The following CHN2 variants were observed in gnomAD, a reference collection of about 807,000 sequenced individuals.
CHN2 encodes chimerin 2.
CHN2 carries 35 observed loss-of-function variants against 56.3 expected under a neutral mutation model. The ratio of observed to expected loss-of-function variants is 0.62; its 90% CI spans 0.47 to 0.82. The LOEUF is 0.82. Ranked by LOEUF, CHN2 falls within the 40% of genes least tolerant of loss-of-function variation. The probability of loss-of-function intolerance (pLI) is 0.00; values close to 1 mark genes in which losing one functional copy is unlikely to be tolerated. For missense variants in CHN2, 491 were observed against 580.5 expected (o/e 0.85, Z 1.58); for synonymous variants, 210 against 212.8 (o/e 0.99, Z 0.12).
intron 3 of CHN2, among the ~76,000 whole-genome samples, chr7:29,373,776 G>C (rs956145902): frequency 1.8e-4 from 27 of 152,070 alleles, no homozygotes; most frequent in African/African-American, 6.5e-4. Flanking sequence ...AGGCACGTCT[G>C]GAAGATCTTA....
At chr7:29,499,534 C>T (rs1015059571) in intron 8 of CHN2, among the ~76,000 whole-genome samples, 1 of 152,124 alleles carries the variant, frequency 6.6e-6, no homozygotes, top group Admixed American at 6.5e-5. Context: ...AATCCAAACC[C>T]GAAAACCTAC....
intron 1 of CHN2, among the ~76,000 whole-genome samples, chr7:29,328,334 C>G (rs1361685865): frequency 1.3e-5 from 2 of 152,098 alleles, no homozygotes; most frequent in Non-Finnish European, 2.9e-5. Context: ...TACTCTAGTT[C>G]AAAGTCTTTT....
At chr7:29,297,872 T>A (rs1043646802) in intron 1 of CHN2, among the ~76,000 whole-genome samples, 20 of 152,264 alleles carry the variant, frequency 1.3e-4, no homozygotes, top group African/African-American at 4.6e-4. Flanking sequence ...AGGCGTTTTT[T>A]AAAGGAGTCC....
At chr7:29,432,548 A>G (rs771533174) in intron 6 of CHN2, among the ~76,000 whole-genome samples, 7 of 152,124 alleles carry the variant, frequency 4.6e-5, no homozygotes, top group Non-Finnish European at 8.8e-5. Flanking sequence ...TCTATACTAT[A>G]CTCGCCTACT....
At chr7:29,338,389 A>G (rs1796788301) in intron 1 of CHN2, among the ~76,000 whole-genome samples, 1 of 152,198 alleles carries the variant, frequency 6.6e-6, no homozygotes, top group Non-Finnish European at 1.5e-5. Flanking sequence ...GTCTAGTATG[A>G]GAGACAGAAT....
intron 6 of CHN2, among the ~76,000 whole-genome samples, chr7:29,475,344 G>A (rs1786502180): frequency 6.6e-6 from 1 of 152,180 alleles, no homozygotes; most frequent in African/African-American, 2.4e-5. Flanking sequence ...GGCTCAGGGA[G>A]AACTAAAGTC....
At chr7:29,472,329 T>G (rs1786172353) in intron 6 of CHN2, among the ~76,000 whole-genome samples, 1 of 86,246 alleles carries the variant, frequency 1.2e-5, no homozygotes. Context: ...CAGAAATAGG[T>G]AGTAGGCATA....
chr7:29,361,457 A>G (rs1411714921), intron 2 of CHN2, among the ~76,000 whole-genome samples: 1 of 152,190 alleles, frequency 6.6e-6, no homozygotes, highest in Non-Finnish European at 1.5e-5. Flanking sequence ...TGTTTGGAAC[A>G]GCATAGAACA....
chr7:29,361,088 T>C (rs17157815), intron 2 of CHN2, among the ~76,000 whole-genome samples: 4,989 of 152,322 alleles, frequency 0.033, 102 homozygotes, highest in Middle Eastern at 0.044. Context: ...TTTGGGACAT[T>C]GCTGCAGAAG....
At chr7:29,312,750 A>G (rs191898662) in intron 1 of CHN2, among the ~76,000 whole-genome samples, 1 of 152,288 alleles carries the variant, frequency 6.6e-6, no homozygotes, top group African/African-American at 2.4e-5. Context: ...GATGAAATTG[A>G]TGTATTAAGA....
intron 6 of CHN2, among the ~76,000 whole-genome samples, chr7:29,443,478 G>C (rs886483026): frequency 2.0e-5 from 3 of 152,160 alleles, no homozygotes; most frequent in Admixed American, 6.5e-5. Flanking sequence ...GCATTTCTCA[G>C]AACGTATCTC....
intron 6 of CHN2, among the ~76,000 whole-genome samples, chr7:29,419,660 C>T (rs892200349): frequency 2.0e-5 from 3 of 152,032 alleles, no homozygotes; most frequent in African/African-American, 7.3e-5. Context: ...AAGTAAATAA[C>T]CCAATTTAAA....
intron 1 of CHN2, among the ~76,000 whole-genome samples, chr7:29,295,314 A>AACACACACACACACACACACAC (rs58693628): frequency 7.6e-5 from 11 of 145,072 alleles, no homozygotes; most frequent in East Asian, 2.1e-4. Flanking sequence ...TTTAGCTGTG[A>AACACACACACACACACACACAC]ACACACACAC....
chr7:29,299,443 T>G (rs891105083), intron 1 of CHN2, among the ~76,000 whole-genome samples: 1 of 152,192 alleles, frequency 6.6e-6, no homozygotes, highest in Non-Finnish European at 1.5e-5. Context: ...AGTTTCATTT[T>G]GGGGAGTGTT....
At chr7:29,279,593 A>G (rs1791518395) in intron 1 of CHN2, among the ~76,000 whole-genome samples, 1 of 152,208 alleles carries the variant, frequency 6.6e-6, no homozygotes, top group African/African-American at 2.4e-5. Flanking sequence ...TGTGGGTATG[A>G]GAGGCTGGAG....
intron 6 of CHN2, among the ~76,000 whole-genome samples, chr7:29,468,136 ACCCGCCCCCCCCCCCC>A (rs1785701261): frequency 2.8e-5 from 1 of 36,102 alleles, no homozygotes; most frequent in Non-Finnish European, 5.7e-5. Flanking sequence ...AACCAAACGG[ACCCGCCCCCCCCCCCC>A]CCCGCCCGAC....
intron 3 of CHN2, among the ~76,000 whole-genome samples, chr7:29,383,267 G>A (rs1800664410): frequency 6.6e-6 from 1 of 152,046 alleles, no homozygotes. Context: ...TGTTGCAGGT[G>A]GTGTAGTTGG....
rs544135562 is a variant in CHN2, at chr7:29,484,171, G to T, written c.654+3815G>T. Among the ~76,000 whole-genome samples the T allele has an allele frequency of 4.6e-5, 7 of 152,128 alleles. 1 individual carries two copies. In the South Asian group the frequency reaches 1.5e-3, roughly 32 times the overall value. ...AGAGAAAATGAAATAAAGCCTGATGGTTATTTCCTTGAATGTATTCCATCC... is the reference window on the plus strand; with the variant it reads ...AGAGAAAATGAAATAAAGCCTGATGTTTATTTCCTTGAATGTATTCCATCC... On this transcript the variant is annotated intron_variant, in intron 7 of 12. Coordinates refer to ENST00000222792, the MANE Select transcript of CHN2 (RefSeq NM_004067.4).
At chr7:29,341,631 A>G (rs1208728053) in intron 1 of CHN2, among the ~76,000 whole-genome samples, 2 of 151,920 alleles carry the variant, frequency 1.3e-5, no homozygotes, top group East Asian at 1.9e-4. Context: ...GGAGGGGGGC[A>G]TCTCAGTTAG....
Sources: allele counts gnomAD v4.1 joint callset (sites outside exome capture counted in the v4.1 genomes callset), GRCh38; gene constraint gnomAD v4.1.1; transcripts MANE v1.5; gene names NCBI Gene and HGNC (gene_info 2026-07-23, HGNC 2026-07-21).